Variants in DIP2C observed in about 807,000 individuals in gnomAD.
DIP2C encodes the protein disco-interacting protein 2 homolog C.
A neutral mutation model predicts 192.4 loss-of-function variants in DIP2C; 33 were observed. That is an observed-to-expected ratio of 0.17 (90% CI 0.13 to 0.23). The LOEUF (loss-of-function observed/expected upper bound fraction) is 0.23, where lower values mean the gene tolerates loss of function less well. DIP2C is among the 10% of genes least tolerant of loss of function. The pLI, the probability that DIP2C is intolerant of heterozygous loss-of-function variation, is 1.00. For synonymous variants in DIP2C, 979 were observed against 864.1 expected, an observed-to-expected ratio of 1.13 and a Z score of -2.33; for missense variants, 1,537 against 2,110.1, an observed-to-expected ratio of 0.73 and a Z score of 5.32.
intron 2 of DIP2C, among the ~76,000 whole-genome samples, chr10:475,623 T>C (rs77096975): frequency 0.016 from 2,374 of 152,210 alleles, 65 homozygotes; most frequent in African/African-American, 0.054. Context: ...TAAGTGGAAA[T>C]GTAAAGTTTG....
intron 6 of DIP2C, among the ~76,000 whole-genome samples, chr10:416,380 C>T (rs1277698016): frequency 1.3e-5 from 2 of 152,228 alleles, no homozygotes; most frequent in African/African-American, 2.4e-5. Context: ...TGAGTCACGT[C>T]TGGAACCCCC....
At chr10:469,930 C>T (rs2050970) in intron 3 of DIP2C, among the ~76,000 whole-genome samples, 65,920 of 151,988 alleles carry the variant, frequency 0.43, 16,123 homozygotes, top group East Asian at 0.64. Context: ...GCTTGGCCTA[C>T]ACGAATGAAC....
chr10:596,093 G>C (rs927710052), intron 1 of DIP2C, among the ~76,000 whole-genome samples: 2 of 152,122 alleles, frequency 1.3e-5, no homozygotes, highest in African/African-American at 4.8e-5. Context: ...CTTCCCCACG[G>C]CTAAAGGACC....
chr10:576,496 G>C (rs1276198995), intron 1 of DIP2C, among the ~76,000 whole-genome samples: 2 of 152,222 alleles, frequency 1.3e-5, no homozygotes, highest in African/African-American at 4.8e-5. Context: ...CCACCTCACA[G>C]TGCTGCCATG....
rs1164294693 is a variant in DIP2C, at chr10:568,786, AAAAAAAAAAAAAC to A, written c.86-82269_86-82257del. Among the ~76,000 whole-genome samples, 101 of 146,272 alleles carry A rather than the reference AAAAAAAAAAAAAC, an allele frequency of 6.9e-4. 4 individuals are homozygous for A. The highest frequency in any genetic ancestry group is 4.8e-3 in the South Asian group (22 of 4,570). ...GTCTCAAAAAAAAAAAAAAAAAAAAAAAAAAAAAAAAACCTTCACTTGATCTGCAAGATGGCTG... is the reference window on the plus strand; with the variant it reads ...GTCTCAAAAAAAAAAAAAAAAAAAAACTTCACTTGATCTGCAAGATGGCTG... On this transcript the variant is annotated intron_variant, in intron 1 of 36. Transcript: ENST00000280886.
At chr10:450,789 T>C (rs1181663483) in intron 3 of DIP2C, among the ~76,000 whole-genome samples, 1 of 152,154 alleles carries the variant, frequency 6.6e-6, no homozygotes, top group Non-Finnish European at 1.5e-5. Context: ...TTTCCATGAC[T>C]GGTCTGGAAC....
At chr10:577,550 C>T (rs1318954979) in intron 1 of DIP2C, among the ~76,000 whole-genome samples, 2 of 152,180 alleles carry the variant, frequency 1.3e-5, no homozygotes, top group African/African-American at 4.8e-5. Context: ...ACACTCAGCA[C>T]GCAGTGAGAA....
chr10:510,760 T>C (rs1438460389), intron 1 of DIP2C, among the ~76,000 whole-genome samples: 2 of 152,244 alleles, frequency 1.3e-5, no homozygotes, highest in Admixed American at 6.5e-5. Flanking sequence ...AGCGCCTCCG[T>C]GTGCCGGGGT....
Position 387,755 on chromosome 10 carries a change from C to T in DIP2C, c.1652G>A (p.Gly551Asp), listed in dbSNP as rs935304052. Residue 551 changes from glycine to aspartate, a missense_variant, in exon 14 of 37, where the codon GGC becomes GAC. By Grantham distance (94) the Gly-to-Asp change is moderately conservative. This residue lies in a region of DIP2C where 677 missense variants were observed against 989.9 expected (regional missense o/e 0.68). Transcript: ENST00000280886. The stretch of plus-strand genomic sequence containing the variant: ...GGGGACCTCACTTACTGTCAGGATG[C>T]CATGCCAGAGCCCGACGTCCTTCTT... Reference protein sequence around the residue: ...DFKKDVGLWHGILTSVMNMMH... With the variant: ...DFKKDVGLWHDILTSVMNMMH... 1 of 1,614,172 alleles carries T rather than the reference C, an allele frequency of 6.2e-7. No individual in the cohort carries two copies. The highest frequency in any genetic ancestry group is 1.3e-5 in the African/African-American group (1 of 75,034).
At chr10:383,639 T>G (rs1283625544) in intron 16 of DIP2C, among the ~76,000 whole-genome samples, 2 of 152,220 alleles carry the variant, frequency 1.3e-5, no homozygotes, top group Admixed American at 1.3e-4. Context: ...TCTTGAATAT[T>G]TCCTTATTAC....
chr10:480,871 C>T (rs537117891), intron 2 of DIP2C, among the ~76,000 whole-genome samples: 40 of 152,330 alleles, frequency 2.6e-4, no homozygotes, highest in Admixed American at 1.0e-3. Flanking sequence ...ACTACAGCAA[C>T]GCGGTCTAGA....
intron 1 of DIP2C, among the ~76,000 whole-genome samples, chr10:526,759 C>T (rs1404899049): frequency 6.6e-6 from 1 of 152,214 alleles, no homozygotes; most frequent in African/African-American, 2.4e-5. Context: ...TAAGAGCAAA[C>T]TGGCATTCAT....
At chr10:678,714 T>A (rs1588755045) in intron 1 of DIP2C, among the ~76,000 whole-genome samples, 2 of 15,852 alleles carry the variant, frequency 1.3e-4, no homozygotes, top group African/African-American at 1.9e-4. Context: ...CCCACGCCCA[T>A]GCTCCCCACA....
rs148825903 is a variant in DIP2C at position 299,463 on chromosome 10, A to G, written c.3986+10568T>C. Among the ~76,000 whole-genome samples the G allele has an allele frequency of 3.6e-4, 55 of 152,350 alleles. 1 individual carries two copies. The East Asian group carries it at 0.011, about 29-fold the overall frequency. ...TTCATGACGTTGACATTTTTGAAGA[A>G]TAGTGTCCCTGCCTTTAAAAAATAT... On this transcript the variant is annotated intron_variant, in intron 32 of 36. Coordinates refer to ENST00000280886, the MANE Select transcript of DIP2C (RefSeq NM_014974.3).
intron 1 of DIP2C, among the ~76,000 whole-genome samples, chr10:613,403 T>C (rs1364765445): frequency 6.6e-6 from 1 of 152,134 alleles, no homozygotes; most frequent in Non-Finnish European, 1.5e-5. Context: ...GGAACGTGCC[T>C]GCCAGGCCCG....
chr10:612,441 C>T (rs1853160412), intron 1 of DIP2C, among the ~76,000 whole-genome samples: 1 of 152,042 alleles, frequency 6.6e-6, no homozygotes, highest in African/African-American at 2.4e-5. Flanking sequence ...AAAGAAGTTC[C>T]CCAAGGATGG....
At chr10:536,712 CAG>C (rs1564828206) in intron 1 of DIP2C, among the ~76,000 whole-genome samples, 1 of 152,218 alleles carries the variant, frequency 6.6e-6, no homozygotes, top group Non-Finnish European at 1.5e-5. Context: ...AAGACAAAGA[CAG>C]TGAGTGCTGT....
chr10:437,913 T>C (rs867804135), intron 4 of DIP2C: 14 of 151,732 alleles, frequency 9.2e-5, no homozygotes, highest in African/African-American at 3.2e-4. Flanking sequence ...CCAAGAAAAA[T>C]AGGTAAGAAA....
intron 1 of DIP2C, among the ~76,000 whole-genome samples, chr10:603,630 T>C (rs1852254959): frequency 6.6e-6 from 1 of 152,232 alleles, no homozygotes; most frequent in African/African-American, 2.4e-5. Flanking sequence ...TTTGTGTCTA[T>C]TTCCCACAAA....
Sources: gnomAD v4.1 joint callset for allele counts (sites outside exome capture counted in the v4.1 genomes callset) on GRCh38, gnomAD v4.1.1 for gene constraint, gnomAD v4.1.1 regional missense constraint, MANE v1.5 for transcripts, NCBI Gene and HGNC (gene_info 2026-07-23, HGNC 2026-07-21) for gene names.